TRPC4AP: variants seen among roughly 807,000 people sequenced by gnomAD.
The protein encoded by TRPC4AP is short transient receptor potential channel 4-associated protein.
Under a neutral mutation model 99.0 loss-of-function variants are expected in TRPC4AP, and 45 were observed. The ratio of observed to expected loss-of-function variants is 0.45; its 90% CI spans 0.36 to 0.58. The LOEUF (loss-of-function observed/expected upper bound fraction) is 0.58, where lower values mean the gene tolerates loss of function less well. Among genes scored for constraint, TRPC4AP ranks in the 20% least tolerant of loss-of-function variants. The pLI is 0.00. For missense variants in TRPC4AP, 879 were observed against 985.3 expected (o/e 0.89, Z 1.44); for synonymous variants, 408 against 385.8 (o/e 1.06, Z -0.67).
intron 13 of TRPC4AP, 79 bp from the exon 14 acceptor site, chr20:35,007,719 T>A (rs2082544115): frequency 6.9e-7 from 1 of 1,449,054 alleles, no homozygotes; most frequent in Non-Finnish European, 9.7e-7. Flanking sequence ...GGTTGGGAGA[T>A]GTTTGTTGCC....
At chr20:35,024,209 A>AT (rs2082963097) in intron 8 of TRPC4AP, among the ~76,000 whole-genome samples, 1 of 150,964 alleles carries the variant, frequency 6.6e-6, no homozygotes, top group African/African-American at 2.4e-5. Flanking sequence ...TGGTATCGTG[A>AT]TTTTTAGGAC....
In TRPC4AP at chr20:35,008,666, G is replaced by GA. The variant is rs1225398809; in HGVS notation, c.1592dup (p.Arg532GlnfsTer43). ...CAGGTACTTTTCCCCAGACTCACCT[G>GA]AAAGACGACTCTGCTGGCTCCTTCT... On this transcript the variant is annotated frameshift_variant, in exon 13 of 19. Transcript: ENST00000252015. LOFTEE classifies it high-confidence loss of function. The GA allele has an allele frequency of 6.2e-7, 1 of 1,613,416 alleles. No homozygotes were observed. The highest frequency in any genetic ancestry group is 8.5e-7 in the Non-Finnish European group (1 of 1,179,670).
intron 8 of TRPC4AP, among the ~76,000 whole-genome samples, chr20:35,032,490 G>C (rs1172622392): frequency 3.0e-5 from 1 of 33,422 alleles, no homozygotes. Flanking sequence ...TTTTTTTTTT[G>C]AGACAGAGTC....
At chr20:35,078,424 G>A (rs777290484) in intron 1 of TRPC4AP, among the ~76,000 whole-genome samples, 5 of 152,104 alleles carry the variant, frequency 3.3e-5, no homozygotes, top group Non-Finnish European at 7.4e-5. Context: ...ATTGAGAGTG[G>A]ACTTAGACTC....
chr20:35,050,669 T>C (rs997719210), intron 5 of TRPC4AP, among the ~76,000 whole-genome samples: 2 of 149,736 alleles, frequency 1.3e-5, no homozygotes, highest in Non-Finnish European at 3.0e-5. Context: ...GCCTAGACTG[T>C]GCAAATGCAC....
At chr20:35,028,831 G>T (rs915067642) in intron 8 of TRPC4AP, among the ~76,000 whole-genome samples, 2 of 152,134 alleles carry the variant, frequency 1.3e-5, no homozygotes, top group African/African-American at 4.8e-5. Context: ...TTTGCTTCAT[G>T]TATTTTTTGG....
At chr20:35,011,519 T>C (rs2082635215) in intron 11 of TRPC4AP, among the ~76,000 whole-genome samples, 1 of 152,164 alleles carries the variant, frequency 6.6e-6, no homozygotes, top group African/African-American at 2.4e-5. Flanking sequence ...GAACTGTTTA[T>C]CATGAGCCCA....
At chr20:35,089,916 A>T (rs1333765742) in intron 1 of TRPC4AP, among the ~76,000 whole-genome samples, 1 of 152,008 alleles carries the variant, frequency 6.6e-6, no homozygotes, top group Admixed American at 6.6e-5. Flanking sequence ...CAGTATAAAA[A>T]TATGGGTAAT....
chr20:35,046,462 T>C (rs1292689556), intron 6 of TRPC4AP, among the ~76,000 whole-genome samples: 1 of 152,230 alleles, frequency 6.6e-6, no homozygotes, highest in African/African-American at 2.4e-5. Flanking sequence ...CATGAACTTT[T>C]AATAATCTGT....
intron 2 of TRPC4AP, among the ~76,000 whole-genome samples, chr20:35,076,079 T>C (rs1217987554): frequency 1.3e-5 from 2 of 152,252 alleles, no homozygotes; most frequent in East Asian, 3.8e-4. Flanking sequence ...ATGCGTCACG[T>C]AGTTTTCGAG....
intron 8 of TRPC4AP, among the ~76,000 whole-genome samples, chr20:35,024,691 C>T (rs1447951425): frequency 4.0e-5 from 6 of 151,414 alleles, no homozygotes; most frequent in African/African-American, 1.5e-4. Context: ...ATTAGCTGGG[C>T]GTGGTGGTGT....
intron 6 of TRPC4AP, 73 bp downstream of exon 6, chr20:35,049,793 T>C: frequency 6.7e-7 from 1 of 1,500,828 alleles, no homozygotes; most frequent in Non-Finnish European, 9.0e-7. Flanking sequence ...AAGCTCTGTA[T>C]ATTATTCAGT....
intron 1 of TRPC4AP, among the ~76,000 whole-genome samples, chr20:35,085,485 C>T (rs2084814531): frequency 6.6e-6 from 1 of 151,664 alleles, no homozygotes; most frequent in Admixed American, 6.6e-5. Flanking sequence ...TGGTGGCATG[C>T]GCCTATAGTC....
chr20:35,071,481 T>G (rs1346535342), intron 2 of TRPC4AP, among the ~76,000 whole-genome samples: 2 of 135,412 alleles, frequency 1.5e-5, no homozygotes. Context: ...CCACCCTGTG[T>G]CCAAGTGTTC....
intron 8 of TRPC4AP, among the ~76,000 whole-genome samples, chr20:35,031,759 TTTA>T (rs1384515423): frequency 2.6e-5 from 4 of 152,232 alleles, no homozygotes; most frequent in African/African-American, 7.2e-5. Context: ...CCCTGTTTTC[TTTA>T]TTCTTTCTTC....
At chr20:35,033,290 G>A (rs1193009973) in intron 8 of TRPC4AP, among the ~76,000 whole-genome samples, 3 of 152,178 alleles carry the variant, frequency 2.0e-5, no homozygotes, top group Non-Finnish European at 2.9e-5. Context: ...TTAGTTTAGT[G>A]ACTTGGTTAG....
chr20:35,057,698 C>T, intron 3 of TRPC4AP, 127 bp from the exon 4 acceptor site: 1 of 725,682 alleles, frequency 1.4e-6, no homozygotes, highest in Non-Finnish European at 2.2e-6. Context: ...TTCCAGGAGG[C>T]AGTTAAGGTT....
chr20:35,061,223 A>G (rs2083998876), intron 3 of TRPC4AP, among the ~76,000 whole-genome samples: 1 of 152,256 alleles, frequency 6.6e-6, no homozygotes, highest in Non-Finnish European at 1.5e-5. Context: ...AACTGGAATT[A>G]TGAAAACAAT....
chr20:35,077,177 G>C (rs1205212036), intron 2 of TRPC4AP, among the ~76,000 whole-genome samples: 1 of 152,134 alleles, frequency 6.6e-6, no homozygotes, highest in African/African-American at 2.4e-5. Flanking sequence ...GCTTCCCTTG[G>C]CTAGGAAAGG....
Sources: gnomAD v4.1 joint callset for allele counts (sites outside exome capture counted in the v4.1 genomes callset) on GRCh38, gnomAD v4.1.1 for gene constraint, MANE v1.5 for transcripts, NCBI Gene and HGNC (gene_info 2026-07-23, HGNC 2026-07-21) for gene names.